ANGPTL6: variants seen among roughly 807,000 people sequenced by gnomAD.
ANGPTL6 encodes angiopoietin like 6, also known as angiopoietin-related protein 6.
A neutral mutation model predicts 47.4 loss-of-function variants in ANGPTL6; 45 were observed. That is an observed-to-expected ratio of 0.95 (90% CI 0.75 to 1.22). ANGPTL6 has a LOEUF of 1.22. Ranked by LOEUF, ANGPTL6 falls within the 50% of genes most tolerant of loss-of-function variation. The probability of loss-of-function intolerance (pLI) is 0.00; values close to 1 mark genes in which losing one functional copy is unlikely to be tolerated. For synonymous variants in ANGPTL6, 290 were observed against 295.9 expected (o/e 0.98, Z 0.20); for missense variants, 698 against 669.4 (o/e 1.04, Z -0.47).
At chr19:10,102,433 C>T (rs1040505079) in intron 1 of ANGPTL6, 135 bp downstream of exon 1, 1 of 406,936 alleles carries the variant, frequency 2.5e-6, no homozygotes, top group South Asian at 9.9e-5. Flanking sequence ...AGAACTGGGA[C>T]GTGTGTATAA....
Position 10,092,402 on chromosome 19 carries a change from C to A in ANGPTL6, c.*187G>T. 6.6e-7 allele frequency: 1 copy of A among 1,517,694 alleles called. No individual in the cohort carries two copies. Among genetic ancestry groups the A allele is most frequent in the Non-Finnish European group, 8.8e-7 (1 of 1,135,838 alleles). The allele number at this position is 1,517,694 out of a possible 1,614,324, so 94.0% of individuals were successfully genotyped here. ...CGAGATATGAATGACCTTGGGGAGC[C>A]ATCTGAGGCCAAGATATTGACGGGG... On this transcript the variant is annotated 3_prime_UTR_variant, in exon 6 of 6. Coordinates refer to ENST00000253109, the MANE Select transcript of ANGPTL6 (RefSeq NM_031917.3).
Position 10,102,234 on chromosome 19 carries a change from C to T in ANGPTL6, c.-11+334G>A, listed in dbSNP as rs554949484. Among the ~76,000 whole-genome samples the T allele has an allele frequency of 2.0e-5, 3 of 151,520 alleles. No individual in the cohort carries two copies. In the East Asian group the frequency reaches 5.8e-4, roughly 29 times the overall value. The stretch of plus-strand genomic sequence containing the variant: ...CAAAGTGTGAAGGGTCCTGTGGGCC[C>T]GGAGGAGGACTTGGGTTTTACTCTG... On this transcript the variant is annotated intron_variant, in intron 1 of 5. Coordinates refer to ENST00000253109, the MANE Select transcript of ANGPTL6 (RefSeq NM_031917.3).
At chr19:10,096,689 A>G in intron 1 of ANGPTL6, 116 bp from the exon 2 acceptor site, 1 of 788,468 alleles carries the variant, frequency 1.3e-6, no homozygotes, top group South Asian at 2.1e-5. Flanking sequence ...CCATAATTTC[A>G]GTCCCCATCT....
At chr19:10,099,853 TTCTCTCTCTC>T (rs140980342) in intron 1 of ANGPTL6, among the ~76,000 whole-genome samples, 2 of 100,818 alleles carry the variant, frequency 2.0e-5, no homozygotes, top group Non-Finnish European at 4.2e-5. Flanking sequence ...CTTTCTCTCT[TTCTCTCTCTC>T]TCTCTCTCTC....
At chr19:10,101,834 C>T (rs377022757) in intron 1 of ANGPTL6, among the ~76,000 whole-genome samples, 44 of 131,688 alleles carry the variant, frequency 3.3e-4, no homozygotes, top group African/African-American at 1.3e-3. Flanking sequence ...AGGCCAGGTG[C>T]GGTGGCTCAC....
intron 1 of ANGPTL6, among the ~76,000 whole-genome samples, chr19:10,099,984 C>G (rs2088644617): frequency 6.6e-6 from 1 of 150,596 alleles, no homozygotes; most frequent in Admixed American, 6.6e-5. Flanking sequence ...CTCAGCCTCC[C>G]AAGAAGCTGG....
At chr19:10,096,635 T>C in intron 1 of ANGPTL6, 62 bp from the exon 2 acceptor site, 1 of 1,274,824 alleles carries the variant, frequency 7.8e-7, no homozygotes. Flanking sequence ...ACCCCTCCGC[T>C]TCCACGCGGG....
At chr19:10,095,493 TG>T (rs1464432177) in intron 2 of ANGPTL6, among the ~76,000 whole-genome samples, 1 of 152,180 alleles carries the variant, frequency 6.6e-6, no homozygotes, top group African/African-American at 2.4e-5. Context: ...AATTGATCTG[TG>T]CCCCAGCCTC....
intron 1 of ANGPTL6, 98 bp from the exon 2 acceptor site, chr19:10,096,671 T>A (rs1259008219): frequency 1.1e-6 from 1 of 947,960 alleles, no homozygotes; most frequent in East Asian, 3.3e-5. Flanking sequence ...ACCCGCGATG[T>A]CCCGGGCCCA....
chr19:10,105,248 G>GC (rs1057205407), upstream of ANGPTL6, among the ~76,000 whole-genome samples: 2 of 152,246 alleles, frequency 1.3e-5, no homozygotes, highest in Non-Finnish European at 2.9e-5. Flanking sequence ...GGGCCCCTCG[G>GC]CCCCCCACCC....
At chr19:10,101,910 C>G (rs796228036) in intron 1 of ANGPTL6, among the ~76,000 whole-genome samples, 16 of 148,052 alleles carry the variant, frequency 1.1e-4, no homozygotes, top group African/African-American at 2.5e-4. Context: ...TCGAGACCAT[C>G]CTGGCTAACA....
chr19:10,101,902 G>A (rs1386955187), intron 1 of ANGPTL6, among the ~76,000 whole-genome samples: 4 of 145,472 alleles, frequency 2.7e-5, no homozygotes, highest in South Asian at 2.1e-4. Flanking sequence ...TCAGGAGATC[G>A]AGACCATCCT....
chr19:10,093,389 CT>C lies in ANGPTL6; in HGVS notation c.1181del (p.Lys394SerfsTer75), dbSNP rs1270866049. 6.2e-7 allele frequency: 1 copy of C among 1,614,186 alleles called. No individual in the cohort carries two copies. Among genetic ancestry groups the C allele is most frequent in the East Asian group, 2.2e-5 (1 of 44,878 alleles). On this transcript the variant is annotated frameshift_variant, in exon 5 of 6. Coordinates refer to ENST00000253109, the MANE Select transcript of ANGPTL6 (RefSeq NM_031917.3). LOFTEE classifies it high-confidence loss of function. Reference sequence around the variant, plus strand: ...GGTCCCTATCCACGGTGCTGAAGGGCTTGTCATTGTGCCAGGAAAGAGAGTC... The same window carrying C: ...GGTCCCTATCCACGGTGCTGAAGGGCTGTCATTGTGCCAGGAAAGAGAGTC... ...AGDSLSWHND[K>X]PFSTVDRDRD...
In ANGPTL6 at chr19:10,095,973, C is replaced by G; in HGVS notation, c.582+9G>C. ...ACGATGCTGCTCTCCGGGGAGGCTGCGAGGTTACCTGCTGCTGCCCGCCCG... is the reference window on the plus strand; with the variant it reads ...ACGATGCTGCTCTCCGGGGAGGCTGGGAGGTTACCTGCTGCTGCCCGCCCG... On this transcript the variant is annotated intron_variant, in intron 2 of 5. Transcript: ENST00000253109. 1 of 1,311,042 alleles carries G rather than the reference C, an allele frequency of 7.6e-7. No homozygotes were observed. The highest frequency in any genetic ancestry group is 2.8e-5 in the East Asian group (1 of 35,134). 81.2% of individuals were successfully genotyped at this position (1,311,042 alleles called of 1,614,324 possible). A position where few individuals can be genotyped will look rare whatever the true frequency, so the allele number is the denominator to read the frequency against.
chr19:10,093,800 C>T lies in ANGPTL6; in HGVS notation c.844G>A (p.Val282Ile), dbSNP rs760163416. The change falls in exon 4 of 6, where the codon GTA (valine) becomes ATA (isoleucine). Residue 282 changes from valine (V) to isoleucine (I), a missense_variant. Coordinates refer to ENST00000253109, the MANE Select transcript of ANGPTL6 (RefSeq NM_031917.3). Reference protein sequence around the residue: ...GVYELRVGRHVVSVWCEQQLE... With the variant: ...GVYELRVGRHIVSVWCEQQLE... ...TGCTGCTCACACCATACTGACACTACGTGACGGCCCACTCGCAGTTCATAC... is the reference window on the plus strand; with the variant it reads ...TGCTGCTCACACCATACTGACACTATGTGACGGCCCACTCGCAGTTCATAC... 149 of 1,613,924 alleles carry T rather than the reference C, an allele frequency of 9.2e-5. No individual in the cohort carries two copies. The highest frequency in any genetic ancestry group is 1.5e-4 in the Admixed American group (9 of 60,008).
upstream of ANGPTL6, among the ~76,000 whole-genome samples, chr19:10,103,742 C>T (rs1312762864): frequency 1.3e-5 from 2 of 150,318 alleles, no homozygotes; most frequent in Middle Eastern, 3.2e-3. Context: ...AAGTGAAAAC[C>T]CTACCTCAGT....
rs1480957581 is a variant in ANGPTL6, at chr19:10,092,767, A to G, written c.1235T>C (p.Leu412Pro). Residue 412 changes from leucine to proline, a missense_variant, in exon 6 of 6, where the codon CTG becomes CCG. Coordinates refer to ENST00000253109, the MANE Select transcript of ANGPTL6 (RefSeq NM_031917.3). ...GTACCACCAGCCTCCCCGCTGGTAC[A>G]GGGCACAGTTACCTGAGGGGAGAGA... ...DRDSYSGNCA[L>P]YQRGGWWYHA... 1 of 1,601,720 alleles carries G rather than the reference A, an allele frequency of 6.2e-7. No homozygotes were observed. Among genetic ancestry groups the G allele is most frequent in the Admixed American group, 1.7e-5 (1 of 59,488 alleles).
chr19:10,095,014 G>T, intron 2 of ANGPTL6, 76 bp from the exon 3 acceptor site: 2 of 1,401,198 alleles, frequency 1.4e-6, no homozygotes, highest in Non-Finnish European at 9.5e-7. Context: ...GGCAGAAATG[G>T]TGGATAAATC....
In ANGPTL6 at chr19:10,092,794, A is replaced by T. The variant is rs1225327422; in HGVS notation, c.1223-15T>A. 3 of 1,581,536 alleles carry T rather than the reference A, an allele frequency of 1.9e-6. No individual in the cohort carries two copies. The East Asian group carries it at 6.8e-5, about 36-fold the overall frequency. On this transcript the variant is annotated splice_polypyrimidine_tract_variant and intron_variant, in intron 5 of 5. Coordinates refer to ENST00000253109, the MANE Select transcript of ANGPTL6 (RefSeq NM_031917.3). ...GGCACAGTTACCTGAGGGGAGAGAG[A>T]GAGTCCATGTCCTCTCACCAGAATA...
Sources: gnomAD v4.1 joint callset for allele counts (sites outside exome capture counted in the v4.1 genomes callset) on GRCh38, gnomAD v4.1.1 for gene constraint, MANE v1.5 for transcripts, NCBI Gene and HGNC (gene_info 2026-07-23, HGNC 2026-07-21) for gene names.